Variants in SHROOM3 observed in about 807,000 individuals in gnomAD.
SHROOM3 encodes protein Shroom3.
SHROOM3 carries 47 observed loss-of-function variants against 138.6 expected under a neutral mutation model. That is an observed-to-expected ratio of 0.34 (90% CI 0.27 to 0.43). SHROOM3 has a LOEUF of 0.43. SHROOM3 is among the 20% of genes least tolerant of loss of function. The pLI is 1.00. For synonymous variants in SHROOM3, 1,062 were observed against 1,063.3 expected (o/e 1.00, Z 0.02); for missense variants, 2,491 against 2,596.5 (o/e 0.96, Z 0.88).
intron 4 of SHROOM3, among the ~76,000 whole-genome samples, chr4:76,733,628 G>T (rs1720947190): frequency 6.6e-6 from 1 of 152,162 alleles, no homozygotes; most frequent in South Asian, 2.1e-4. Flanking sequence ...GGCAGGTGGA[G>T]AGGTGCCCCA....
At chr4:76,497,719 G>T (rs560600576) in intron 1 of SHROOM3, among the ~76,000 whole-genome samples, 1 of 152,058 alleles carries the variant, frequency 6.6e-6, no homozygotes, top group Non-Finnish European at 1.5e-5. Context: ...TTATCTGGGC[G>T]TGGTGGCAGG....
chr4:76,697,366 G>T (rs771211924), intron 2 of SHROOM3, among the ~76,000 whole-genome samples: 5 of 152,158 alleles, frequency 3.3e-5, no homozygotes, highest in Admixed American at 6.5e-5. Context: ...CTGGTGGTGA[G>T]GGTGAGGGGA....
At chr4:76,713,828 T>C (rs1720299808) in intron 3 of SHROOM3, among the ~76,000 whole-genome samples, 1 of 152,186 alleles carries the variant, frequency 6.6e-6, no homozygotes, top group Non-Finnish European at 1.5e-5. Flanking sequence ...ACTCCATTGT[T>C]GGCTGAAATG....
intron 1 of SHROOM3, among the ~76,000 whole-genome samples, chr4:76,473,476 G>T (rs545576225): frequency 3.3e-5 from 5 of 152,068 alleles, no homozygotes; most frequent in Admixed American, 3.3e-4. Context: ...GGACATGGTG[G>T]CATGTACCTG....
chr4:76,599,047 C>T (rs528048977), intron 2 of SHROOM3, among the ~76,000 whole-genome samples: 1 of 152,112 alleles, frequency 6.6e-6, no homozygotes, highest in East Asian at 1.9e-4. Context: ...GACTTGGTGA[C>T]GGGCTGGCTG....
rs754685072 is a variant in SHROOM3, at chr4:76,664,830, C to T, written c.324-45326C>T. Among the ~76,000 whole-genome samples the T allele has an allele frequency of 6.6e-6, 1 of 152,168 alleles. No homozygotes were observed. The highest frequency in any genetic ancestry group is 2.4e-5 in the African/African-American group (1 of 41,436). ...CTAAAAACTCCATTTCCCTCTTCCA[C>T]AGCCTCTGGTTGCGCCTTGGTTTTA... On this transcript the variant is annotated intron_variant, in intron 2 of 10. Coordinates refer to ENST00000296043, the MANE Select transcript of SHROOM3 (RefSeq NM_020859.4). This position sits in a 1 kb window ranked among gnomAD's most constrained non-coding sequence, Gnocchi z 4.2.
At chr4:76,446,325 T>TAAA (rs3041169) in intron 1 of SHROOM3, among the ~76,000 whole-genome samples, 2 of 143,162 alleles carry the variant, frequency 1.4e-5, no homozygotes, top group African/African-American at 2.6e-5. Flanking sequence ...GATAAACTGG[T>TAAA]AAAAAAAAAA....
At chr4:76,647,177 CGT>C (rs1259976762) in intron 2 of SHROOM3, among the ~76,000 whole-genome samples, 1 of 152,104 alleles carries the variant, frequency 6.6e-6, no homozygotes, top group African/African-American at 2.4e-5. Flanking sequence ...CAAATATCAT[CGT>C]ATGTTTTCAC....
At chr4:76,599,075 A>G (rs1734449430) in intron 2 of SHROOM3, among the ~76,000 whole-genome samples, 1 of 152,026 alleles carries the variant, frequency 6.6e-6, no homozygotes, top group Non-Finnish European at 1.5e-5. Flanking sequence ...GCAGGGGTGC[A>G]AGGCGAGGAG....
intron 2 of SHROOM3, among the ~76,000 whole-genome samples, chr4:76,572,701 CA>C (rs1448773698): frequency 6.6e-6 from 1 of 152,164 alleles, no homozygotes; most frequent in African/African-American, 2.4e-5. Context: ...AGCAGTATAA[CA>C]GTGTACGGGT....
intron 2 of SHROOM3, among the ~76,000 whole-genome samples, chr4:76,620,344 A>C (rs758994888): frequency 6.6e-6 from 1 of 152,194 alleles, no homozygotes; most frequent in Non-Finnish European, 1.5e-5. Context: ...ATCCAAAGAC[A>C]TATTAGAGAT....
chr4:76,507,159 GAGA>G (rs1434357430), intron 1 of SHROOM3, among the ~76,000 whole-genome samples: 3 of 152,146 alleles, frequency 2.0e-5, no homozygotes, highest in South Asian at 2.1e-4. Flanking sequence ...GAAATAAAAG[GAGA>G]AGGTTTTAAT....
chr4:76,561,113 T>G (rs747062165), intron 2 of SHROOM3, among the ~76,000 whole-genome samples: 1 of 152,112 alleles, frequency 6.6e-6, no homozygotes, highest in Non-Finnish European at 1.5e-5. Context: ...GAGCAGAGGG[T>G]AGGGAAAATT....
At chr4:76,760,027 T>C (rs953231851) in intron 9 of SHROOM3, among the ~76,000 whole-genome samples, 4 of 152,228 alleles carry the variant, frequency 2.6e-5, no homozygotes, top group African/African-American at 9.6e-5. Flanking sequence ...ACCCCGACAC[T>C]GTTCTCAGCT....
chr4:76,777,527 C>A (rs2109799350), intron 10 of SHROOM3, among the ~76,000 whole-genome samples: 1 of 152,242 alleles, frequency 6.6e-6, no homozygotes, highest in African/African-American at 2.4e-5. Context: ...GGTATAGGAT[C>A]ATATCGTTGG....
At chr4:76,636,381 C>A (rs546561555) in intron 2 of SHROOM3, among the ~76,000 whole-genome samples, 60 of 152,260 alleles carry the variant, frequency 3.9e-4, no homozygotes, top group African/African-American at 1.4e-3. Context: ...ATTTAATGAA[C>A]CTTCTGTGTA....
At chr4:76,607,948 T>C (rs1734657289) in intron 2 of SHROOM3, among the ~76,000 whole-genome samples, 1 of 152,164 alleles carries the variant, frequency 6.6e-6, no homozygotes, top group Admixed American at 6.5e-5. Flanking sequence ...TACTTCACTT[T>C]ATCATGCTTT....
intron 2 of SHROOM3, among the ~76,000 whole-genome samples, chr4:76,694,761 A>G (rs1719671266): frequency 6.6e-6 from 1 of 152,228 alleles, no homozygotes; most frequent in Non-Finnish European, 1.5e-5. Flanking sequence ...CTGGCACCTG[A>G]TAGGTGTTAA....
At chr4:76,766,261 A>T (rs1722153095) in intron 9 of SHROOM3, among the ~76,000 whole-genome samples, 1 of 152,258 alleles carries the variant, frequency 6.6e-6, no homozygotes. Context: ...AGACATTATT[A>T]TTAGTTTTCG....
Sources: allele counts gnomAD v4.1 joint callset (sites outside exome capture counted in the v4.1 genomes callset), GRCh38; gene constraint gnomAD v4.1.1; non-coding constraint Gnocchi (gnomAD v3.1); transcripts MANE v1.5; gene names NCBI Gene and HGNC (gene_info 2026-07-23, HGNC 2026-07-21).